The following KCNAB1 variants were observed in gnomAD, a reference collection of about 807,000 sequenced individuals.
KCNAB1 encodes the protein voltage-gated potassium channel subunit beta-1.
Under a neutral mutation model 64.6 loss-of-function variants are expected in KCNAB1, and 35 were observed. That is an observed-to-expected ratio of 0.54 (90% confidence interval 0.41 to 0.72). The LOEUF (loss-of-function observed/expected upper bound fraction) is 0.72. KCNAB1 is among the 30% of genes least tolerant of loss of function. The probability of loss-of-function intolerance (pLI) is 0.00; values close to 1 mark genes in which losing one functional copy is unlikely to be tolerated. For missense variants in KCNAB1, 401 were observed against 512.9 expected (o/e 0.78, Z 2.11); for synonymous variants, 177 against 183.8 (o/e 0.96, Z 0.30).
intron 1 of KCNAB1, among the ~76,000 whole-genome samples, chr3:156,222,443 C>A (rs985753692): frequency 6.6e-6 from 1 of 152,114 alleles, no homozygotes. Context: ...TACTACTATA[C>A]CTAAGAAATG....
intron 1 of KCNAB1, among the ~76,000 whole-genome samples, chr3:156,413,666 C>T (rs967125869): frequency 5.3e-5 from 8 of 152,198 alleles, no homozygotes; most frequent in Non-Finnish European, 1.0e-4. Context: ...TGGCAAACCA[C>T]AGAGCCTCCC....
At chr3:156,287,073 C>T (rs1720136838) in intron 1 of KCNAB1, among the ~76,000 whole-genome samples, 1 of 152,110 alleles carries the variant, frequency 6.6e-6, no homozygotes, top group South Asian at 2.1e-4. Context: ...CAGAGTAGAG[C>T]TGGGATTCAC....
At chr3:156,216,860 A>T (rs144590009) in intron 1 of KCNAB1, 1 of 152,338 alleles carries the variant, frequency 6.6e-6, no homozygotes, top group Non-Finnish European at 1.5e-5. Context: ...TTAAGCCCAC[A>T]TCTGTTTGTC....
At chr3:156,291,694 G>C (rs1720434911) in intron 1 of KCNAB1, 1 of 1,416,140 alleles carries the variant, frequency 7.1e-7, no homozygotes, top group South Asian at 1.5e-5. Context: ...TACTTCTCTG[G>C]GTCCCCGGGG....
intron 1 of KCNAB1, among the ~76,000 whole-genome samples, chr3:156,169,411 A>C (rs1711818326): frequency 6.6e-6 from 1 of 152,224 alleles, no homozygotes; most frequent in Admixed American, 6.5e-5. Flanking sequence ...GACCCTCCTC[A>C]GGAAGGAACG....
chr3:156,523,517 G>C, intron 11 of KCNAB1, among the ~76,000 whole-genome samples: 1 of 151,772 alleles, frequency 6.6e-6, no homozygotes, highest in Non-Finnish European at 1.5e-5. Context: ...AATAAAAAAC[G>C]TTACTTCTTC....
At chr3:156,448,591 A>C (rs1015224702) in intron 2 of KCNAB1, among the ~76,000 whole-genome samples, 2 of 152,184 alleles carry the variant, frequency 1.3e-5, no homozygotes, top group Non-Finnish European at 2.9e-5. Context: ...ATTTCAGCCA[A>C]GGAGAAAGAC....
intron 1 of KCNAB1, among the ~76,000 whole-genome samples, chr3:156,171,222 C>CACACACAT (rs1181926597): frequency 2.0e-5 from 3 of 151,896 alleles, no homozygotes; most frequent in African/African-American, 7.3e-5. Context: ...CACACACACA[C>CACACACAT]ACACTGAAAT....
intron 1 of KCNAB1, among the ~76,000 whole-genome samples, chr3:156,262,734 A>T (rs964631966): frequency 1.8e-4 from 28 of 151,876 alleles, no homozygotes; most frequent in Non-Finnish European, 2.9e-5. Flanking sequence ...AGAGTTTGTA[A>T]AGGATTGTTA....
At chr3:156,377,888 G>A (rs1478159159) in intron 1 of KCNAB1, among the ~76,000 whole-genome samples, 1 of 152,118 alleles carries the variant, frequency 6.6e-6, no homozygotes, top group African/African-American at 2.4e-5. Context: ...TTTATGGGTT[G>A]CCTCAACTTT....
intron 2 of KCNAB1, among the ~76,000 whole-genome samples, chr3:156,437,105 G>A (rs1340528789): frequency 1.3e-5 from 2 of 152,048 alleles, no homozygotes; most frequent in African/African-American, 2.4e-5. Flanking sequence ...TTGAAAGTTT[G>A]TGATATCCAC....
chr3:156,265,340 C>A (rs1045546950), intron 1 of KCNAB1, among the ~76,000 whole-genome samples: 14 of 149,168 alleles, frequency 9.4e-5, no homozygotes, highest in African/African-American at 3.6e-4. Context: ...CATCCAGCTA[C>A]TTCTTCTCCC....
At chr3:156,262,233 A>G (rs935153096) in intron 1 of KCNAB1, among the ~76,000 whole-genome samples, 2 of 151,908 alleles carry the variant, frequency 1.3e-5, no homozygotes, top group South Asian at 2.1e-4. Context: ...CATCCTTTAC[A>G]GTGTTGAAAA....
At chr3:156,168,708 C>T (rs952019512) in intron 1 of KCNAB1, among the ~76,000 whole-genome samples, 6 of 152,288 alleles carry the variant, frequency 3.9e-5, no homozygotes, top group Admixed American at 1.3e-4. Flanking sequence ...GCTAGTGATG[C>T]TGTTGAGAAA....
chr3:156,466,182 T>C (rs1713360061), intron 7 of KCNAB1, among the ~76,000 whole-genome samples: 2 of 152,170 alleles, frequency 1.3e-5, no homozygotes, highest in Admixed American at 1.3e-4. Flanking sequence ...ATCTACTTTT[T>C]ATCTCTATAG....
intron 1 of KCNAB1, among the ~76,000 whole-genome samples, chr3:156,157,398 A>C (rs1185001771): frequency 2.0e-5 from 3 of 152,196 alleles, no homozygotes; most frequent in Non-Finnish European, 2.9e-5. Context: ...TTTTCCACAA[A>C]TGATGATACT....
At chr3:156,523,783 A>G in intron 11 of KCNAB1, 44 bp from the exon 12 acceptor site, 1 of 1,571,718 alleles carries the variant, frequency 6.4e-7, no homozygotes, top group African/African-American at 1.4e-5. Context: ...TTGACATCAG[A>G]TCTTTACCAG....
At chr3:156,144,704 T>C (rs1214232433) in intron 1 of KCNAB1, among the ~76,000 whole-genome samples, 2 of 152,202 alleles carry the variant, frequency 1.3e-5, no homozygotes, top group Non-Finnish European at 2.9e-5. Flanking sequence ...GTGATGGTGA[T>C]GTGAACACAG....
At chr3:156,515,023 T>C in intron 9 of KCNAB1, 77 bp from the exon 10 acceptor site, 1 of 1,406,792 alleles carries the variant, frequency 7.1e-7, no homozygotes, top group Middle Eastern at 1.8e-4. Context: ...AAAGTAAACA[T>C]TTCTCATGCA....
Sources: gnomAD v4.1 joint callset for allele counts (sites outside exome capture counted in the v4.1 genomes callset) on GRCh38, gnomAD v4.1.1 for gene constraint, MANE v1.5 for transcripts, NCBI Gene and HGNC (gene_info 2026-07-23, HGNC 2026-07-21) for gene names.